SELENOS: variants seen among roughly 807,000 people sequenced by gnomAD.
The protein encoded by SELENOS is selenoprotein S.
Under a neutral mutation model 30.2 loss-of-function variants are expected in SELENOS, and 37 were observed. That is an observed-to-expected ratio of 1.23 (90% CI 0.94 to 1.61). The LOEUF is 1.61. SELENOS is among the 40% of genes most tolerant of loss of function. SELENOS has a pLI of 0.00. For synonymous variants in SELENOS, 119 were observed against 91.6 expected, an observed-to-expected ratio of 1.30 and a Z score of -1.71; for missense variants, 289 against 231.8, an observed-to-expected ratio of 1.25 and a Z score of -1.60.
At chr15:101,271,313 A>G (rs759182988), downstream of SELENOS, 4 of 152,232 alleles carry the variant, frequency 2.6e-5, no homozygotes, top group African/African-American at 9.7e-5. Flanking sequence ...CACGTCGTAA[A>G]TCTTCTGGGC....
intron 2 of SELENOS, among the ~76,000 whole-genome samples, chr15:101,275,739 T>C (rs879878860): frequency 3.9e-5 from 6 of 152,084 alleles, no homozygotes; most frequent in Non-Finnish European, 5.9e-5. Context: ...CAAGGAAATA[T>C]AAAGTTTTCT....
intron 3 of SELENOS, 151 bp downstream of exon 3, chr15:101,275,104 A>G (rs746017581): frequency 6.2e-6 from 4 of 641,618 alleles, no homozygotes; most frequent in African/African-American, 1.8e-5. Flanking sequence ...GATATCACCA[A>G]TACTTACATG....
At position 101,272,538 on chromosome 15, in the gene SELENOS, A is replaced by C. The variant is rs975402751; in HGVS notation, c.*233T>G. ...ACCTACCAACTAGCAATTAACCATG[A>C]AATCAATGAATGCAATCACTGTCTC... On this transcript the variant is annotated 3_prime_UTR_variant, in exon 6 of 6. Coordinates refer to ENST00000526049, the MANE Select transcript of SELENOS (RefSeq NM_018445.6). 4 of 471,944 alleles carry C rather than the reference A, an allele frequency of 8.5e-6. No homozygotes were observed. The highest frequency in any genetic ancestry group is 3.7e-5 in the Admixed American group (1 of 27,166). 29.2% of individuals were successfully genotyped at this position (471,944 alleles called of 1,614,324 possible).
At chr15:101,275,399 T>C in intron 2 of SELENOS, 38 bp from the exon 3 acceptor site, 2 of 1,477,690 alleles carry the variant, frequency 1.4e-6, no homozygotes, top group Non-Finnish European at 1.8e-6. Context: ...AAGCACTGTG[T>C]ACAATATAAA....
chr15:101,276,023 G>C (rs1352009189), intron 2 of SELENOS, among the ~76,000 whole-genome samples: 1 of 150,648 alleles, frequency 6.6e-6, no homozygotes, highest in Non-Finnish European at 1.5e-5. Context: ...CCAGGTTCAA[G>C]CGATTTCTCC....
At chr15:101,274,273 T>C in intron 5 of SELENOS, 147 bp downstream of exon 5, 1 of 900,904 alleles carries the variant, frequency 1.1e-6, no homozygotes, top group Non-Finnish European at 1.7e-6. Context: ...GGAGGTGATT[T>C]GCATCTGTTT....
At chr15:101,276,104 G>A (rs2039323646) in intron 2 of SELENOS, among the ~76,000 whole-genome samples, 1 of 151,594 alleles carries the variant, frequency 6.6e-6, no homozygotes, top group South Asian at 2.1e-4. Flanking sequence ...TGTATTTTTA[G>A]TAGAGACAGG....
At chr15:101,276,512 C>T in intron 2 of SELENOS, 29 bp downstream of exon 2, 1 of 1,573,258 alleles carries the variant, frequency 6.4e-7, no homozygotes, top group Non-Finnish European at 8.6e-7. Flanking sequence ...GCAAAACCAC[C>T]GCTTTCATTT....
intron 3 of SELENOS, chr15:101,274,893 G>T: frequency 1.7e-6 from 1 of 603,726 alleles, no homozygotes; most frequent in East Asian, 2.9e-5. Context: ...AAAGCAAAAT[G>T]TTTCATGAAA....
At chr15:101,275,457 G>T (rs548515765) in intron 2 of SELENOS, 96 bp from the exon 3 acceptor site, 18 of 989,704 alleles carry the variant, frequency 1.8e-5, no homozygotes, top group Non-Finnish European at 2.3e-5. Flanking sequence ...AAGAGGTATG[G>T]ATATCAGACA....
intron 5 of SELENOS, among the ~76,000 whole-genome samples, chr15:101,273,383 C>A (rs544905153): frequency 7.9e-5 from 12 of 152,240 alleles, no homozygotes; most frequent in African/African-American, 2.9e-4. Context: ...TCTAGGGCCA[C>A]CCAGAACTTA....
Position 101,275,568 on chromosome 15 carries a change from G to C in SELENOS, c.212-207C>G, listed in dbSNP as rs116427791. ...GTTGCTGAGCCACGGATTTTAGCCC[G>C]AAATATCTACATCACCAGAAATCTG... On this transcript the variant is annotated intron_variant, in intron 2 of 5. Coordinates refer to ENST00000526049, the MANE Select transcript of SELENOS (RefSeq NM_018445.6). Among the ~76,000 whole-genome samples, 559 of 152,180 alleles carry C rather than the reference G, an allele frequency of 3.7e-3. 2 individuals carry two copies. The highest frequency in any genetic ancestry group is 0.013 in the African/African-American group (542 of 41,510).
At chr15:101,273,682 T>A (rs1283308133) in intron 5 of SELENOS, among the ~76,000 whole-genome samples, 2 of 152,206 alleles carry the variant, frequency 1.3e-5, no homozygotes, top group Non-Finnish European at 2.9e-5. Context: ...CCAGGTTTAG[T>A]CTTCTGACAC....
At position 101,272,638 on chromosome 15, in the gene SELENOS, T is replaced by C. The variant is rs2039279780; in HGVS notation, c.*133A>G. 3.5e-6 allele frequency: 3 copies of C among 864,074 alleles called. No individual in the cohort carries two copies. The highest frequency in any genetic ancestry group is 3.0e-4 in the Middle Eastern group (1 of 3,304). 53.5% of individuals were successfully genotyped at this position (864,074 alleles called of 1,614,324 possible). ...TTTTGCTGACTGGAGCCCTGACATA[T>C]GCAGGTGTAGTTAGGAACAGAAATC... On this transcript the variant is annotated 3_prime_UTR_variant, in exon 6 of 6. Coordinates refer to ENST00000526049, the MANE Select transcript of SELENOS (RefSeq NM_018445.6).
chr15:101,274,195 C>T (rs573953728), intron 5 of SELENOS: 56 of 591,782 alleles, frequency 9.5e-5, no homozygotes, highest in East Asian at 3.1e-4. Context: ...TCTCCCTCTA[C>T]GGGGCTGCAG....
At chr15:101,276,239 CTACTT>C (rs2039325179) in intron 2 of SELENOS, among the ~76,000 whole-genome samples, 3 of 144,300 alleles carry the variant, frequency 2.1e-5, no homozygotes, top group Admixed American at 7.0e-5. Flanking sequence ...CATATACTTC[CTACTT>C]TTTTTTTTTT....
rs1272498733 is a variant in SELENOS, at chr15:101,277,455, G to A, written c.-38C>T. Reference sequence around the variant, plus strand: ...CGCCGCCGCCCAGCCCTGCCGCCGCGCCTCCAGCCGGGCGCTTCCGGTGCG... The same window carrying A: ...CGCCGCCGCCCAGCCCTGCCGCCGCACCTCCAGCCGGGCGCTTCCGGTGCG... On this transcript the variant is annotated 5_prime_UTR_variant, in exon 1 of 6. Transcript: ENST00000526049. 5.0e-6 allele frequency: 7 copies of A among 1,411,312 alleles called. No individual in the cohort carries two copies. Among genetic ancestry groups the A allele is most frequent in the Non-Finnish European group, 5.5e-6 (6 of 1,092,598 alleles). 87.4% of individuals were successfully genotyped at this position (1,411,312 alleles called of 1,614,324 possible).
intron 4 of SELENOS, 27 bp from the exon 5 acceptor site, chr15:101,274,522 G>A (rs1386534911): frequency 5.6e-6 from 9 of 1,607,116 alleles, no homozygotes; most frequent in Middle Eastern, 1.6e-4. Context: ...AGTAGTGTAA[G>A]AAGCAATTAA....
At position 101,277,442 on chromosome 15, in the gene SELENOS, G is replaced by A. The variant is rs999460606; in HGVS notation, c.-25C>T. The A allele has an allele frequency of 4.9e-6, 7 of 1,430,716 alleles. No homozygotes were observed. The African/African-American group carries it at 6.0e-5, about 12-fold the overall frequency. 88.6% of individuals were successfully genotyped at this position (1,430,716 alleles called of 1,614,324 possible). A position where few individuals can be genotyped will look rare whatever the true frequency, so the allele number is the denominator to read the frequency against. On this transcript the variant is annotated 5_prime_UTR_variant, in exon 1 of 6. Transcript: ENST00000526049. Reference sequence around the variant, plus strand: ...TGACCGCCGCCGCCGCCGCCGCCCAGCCCTGCCGCCGCGCCTCCAGCCGGG... The same window carrying A: ...TGACCGCCGCCGCCGCCGCCGCCCAACCCTGCCGCCGCGCCTCCAGCCGGG...
Sources: gnomAD v4.1 joint callset for allele counts (sites outside exome capture counted in the v4.1 genomes callset) on GRCh38, gnomAD v4.1.1 for gene constraint, MANE v1.5 for transcripts, NCBI Gene and HGNC (gene_info 2026-07-23, HGNC 2026-07-21) for gene names.